Variants in WNT11 observed in about 807,000 individuals in gnomAD.
WNT11 encodes Wnt family member 11.
WNT11 carries 20 observed loss-of-function variants against 35.6 expected under a neutral mutation model. That is an observed-to-expected ratio of 0.56 (90% CI 0.40 to 0.82). The LOEUF (loss-of-function observed/expected upper bound fraction) is 0.82, where lower values mean the gene tolerates loss of function less well. Ranked by LOEUF, WNT11 falls within the 40% of genes least tolerant of loss-of-function variation. The probability of loss-of-function intolerance (pLI) is 0.00; values close to 1 mark genes in which losing one functional copy is unlikely to be tolerated. For synonymous variants in WNT11, 200 were observed against 211.9 expected, an observed-to-expected ratio of 0.94 and a Z score of 0.49; for missense variants, 459 against 504.4, an observed-to-expected ratio of 0.91 and a Z score of 0.86.
chr11:76,189,657 C>T (rs1363118027), intron 4 of WNT11, among the ~76,000 whole-genome samples: 1 of 152,132 alleles, frequency 6.6e-6, no homozygotes, highest in African/African-American at 2.4e-5. Context: ...TTCCCCTCCT[C>T]TAGGAAGCCT....
At chr11:76,206,266 A>G in intron 1 of WNT11, 59 bp downstream of exon 1, 1 of 1,359,618 alleles carries the variant, frequency 7.4e-7, no homozygotes, top group Admixed American at 3.2e-5. Context: ...GGGACCCCAA[A>G]ACGCCCTCCG....
intron 1 of WNT11, among the ~76,000 whole-genome samples, chr11:76,199,779 G>A (rs1953346248): frequency 6.6e-6 from 1 of 152,124 alleles, no homozygotes. Flanking sequence ...GATAGAGTGA[G>A]GCTCCATCTC....
chr11:76,189,802 T>C (rs1953153852), intron 4 of WNT11, among the ~76,000 whole-genome samples: 1 of 152,172 alleles, frequency 6.6e-6, no homozygotes, highest in Non-Finnish European at 1.5e-5. Flanking sequence ...ACATGCAGTC[T>C]CATGTAATGG....
chr11:76,200,951 G>C (rs576511722), intron 1 of WNT11, among the ~76,000 whole-genome samples: 263 of 152,346 alleles, frequency 1.7e-3, no homozygotes, highest in African/African-American at 6.3e-3. Context: ...GACGATGGGG[G>C]CTGAGCCTCT....
chr11:76,187,882 AC>A (rs1256285614), intron 4 of WNT11, among the ~76,000 whole-genome samples: 1 of 148,836 alleles, frequency 6.7e-6, no homozygotes, highest in African/African-American at 2.5e-5. Context: ...TTTATGTGTA[AC>A]CTTTTACAGA....
At chr11:76,189,246 T>C (rs1162359303) in intron 4 of WNT11, among the ~76,000 whole-genome samples, 1 of 152,254 alleles carries the variant, frequency 6.6e-6, no homozygotes, top group African/African-American at 2.4e-5. Flanking sequence ...AGTTCTTTTT[T>C]AAATTTCTGG....
At chr11:76,198,659 C>T (rs1953325703) in intron 1 of WNT11, among the ~76,000 whole-genome samples, 1 of 152,180 alleles carries the variant, frequency 6.6e-6, no homozygotes, top group Non-Finnish European at 1.5e-5. Context: ...GACATAGATC[C>T]TTTCCTCAAG....
rs763829974 is a variant in WNT11 at position 76,206,398 on chromosome 11, G to A, written c.10C>T (p.Arg4Trp). The stretch of plus-strand genomic sequence containing the variant: ...AGCAGCGCCTCGCAGACCTGCGGCC[G>A]CGCCCTCATCGTCGCGCGGCGGGCG... MRA[R>W]PQVCEALLFA... is the part of the protein sequence containing the mutation. The change falls in exon 1 of 5, where the codon CGG becomes TGG. Residue 4 changes from arginine (R) to tryptophan (W), a missense_variant. By Grantham distance (101) the Arg-to-Trp change is moderately radical. Transcript: ENST00000322563. 5 of 1,525,280 alleles carry A rather than the reference G, an allele frequency of 3.3e-6. No homozygotes were observed. Among genetic ancestry groups the A allele is most frequent in the Admixed American group, 2.0e-5 (1 of 48,796 alleles). The allele number at this position is 1,525,280 out of a possible 1,614,324, so 94.5% of individuals were successfully genotyped here.
chr11:76,201,263 G>A (rs937161724), intron 1 of WNT11, among the ~76,000 whole-genome samples: 3 of 152,234 alleles, frequency 2.0e-5, no homozygotes, highest in East Asian at 1.9e-4. Flanking sequence ...GGAGGCTGAC[G>A]CTGGGACAGG....
chr11:76,206,307 C>A lies in WNT11; in HGVS notation c.83+18G>T. 6.6e-7 allele frequency: 1 copy of A among 1,526,136 alleles called. No individual in the cohort carries two copies. The highest frequency in any genetic ancestry group is 8.8e-7 in the Non-Finnish European group (1 of 1,137,390). 94.5% of individuals were successfully genotyped at this position (1,526,136 alleles called of 1,614,324 possible). On this transcript the variant is annotated intron_variant, in intron 1 of 4. Transcript: ENST00000322563. ...CCAGTCCCTGGCCTGTGCGCGTGGA[C>A]GCGGGGTCCCTACTCACAGCCACTT...
intron 1 of WNT11, among the ~76,000 whole-genome samples, chr11:76,199,614 C>G (rs1166994760): frequency 6.6e-6 from 1 of 151,936 alleles, no homozygotes; most frequent in Non-Finnish European, 1.5e-5. Context: ...ACCATTCTGG[C>G]CAATATGGTG....
intron 1 of WNT11, among the ~76,000 whole-genome samples, chr11:76,199,344 G>T (rs1414295437): frequency 6.6e-6 from 1 of 151,880 alleles, no homozygotes; most frequent in African/African-American, 2.4e-5. Flanking sequence ...AATTAGCCGG[G>T]TGTTGTGGTG....
chr11:76,193,574 C>T lies in WNT11; in HGVS notation c.597+993G>A, dbSNP rs141399520. On this transcript the variant is annotated intron_variant, in intron 3 of 4. Coordinates refer to ENST00000322563, the MANE Select transcript of WNT11 (RefSeq NM_004626.3). ...GCTATAGACCCACAGTATGATTTGG[C>T]TTCAGTTTCCCTAACTGTCCAAGGA... 1.4e-3 allele frequency among the ~76,000 whole-genome samples: 206 copies of T among 152,350 alleles called. 1 individual carries two copies. Among genetic ancestry groups the T allele is most frequent in the African/African-American group, 4.7e-3 (196 of 41,590 alleles).
At chr11:76,205,226 C>T (rs998234057) in intron 1 of WNT11, among the ~76,000 whole-genome samples, 7 of 152,300 alleles carry the variant, frequency 4.6e-5, no homozygotes, top group Admixed American at 2.0e-4. Context: ...TTGCTGGCGG[C>T]GCAGCCACTA....
At chr11:76,206,261 C>A in intron 1 of WNT11, 64 bp downstream of exon 1, 2 of 1,352,482 alleles carry the variant, frequency 1.5e-6, no homozygotes, top group South Asian at 3.4e-5. Flanking sequence ...TCCAGGGGAC[C>A]CCAAAACGCC....
chr11:76,188,027 A>G (rs1450216862), intron 4 of WNT11, among the ~76,000 whole-genome samples: 1 of 152,214 alleles, frequency 6.6e-6, no homozygotes, highest in African/African-American at 2.4e-5. Flanking sequence ...GCCACCACAC[A>G]CAGCCATATT....
At chr11:76,202,830 C>T (rs1953403735) in intron 1 of WNT11, among the ~76,000 whole-genome samples, 1 of 152,216 alleles carries the variant, frequency 6.6e-6, no homozygotes, top group East Asian at 1.9e-4. Context: ...CAGCCCTTGT[C>T]CTCACTGTAT....
At chr11:76,190,789 C>T (rs1033367739) in intron 4 of WNT11, 6 of 152,350 alleles carry the variant, frequency 3.9e-5, no homozygotes, top group African/African-American at 1.4e-4. Context: ...CAGAGAATTT[C>T]CCAAATGCAT....
intron 1 of WNT11, among the ~76,000 whole-genome samples, chr11:76,204,149 A>G (rs946408167): frequency 2.0e-5 from 3 of 152,174 alleles, no homozygotes; most frequent in African/African-American, 7.2e-5. Flanking sequence ...ATATACATAG[A>G]TATATGCACG....
Sources: allele counts gnomAD v4.1 joint callset (sites outside exome capture counted in the v4.1 genomes callset), GRCh38; gene constraint gnomAD v4.1.1; transcripts MANE v1.5; gene names NCBI Gene and HGNC (gene_info 2026-07-23, HGNC 2026-07-21).